JMJD1C: variants seen among roughly 807,000 people sequenced by gnomAD.
The protein encoded by JMJD1C is jumonji domain-containing protein 1C.
A neutral mutation model predicts 245.3 loss-of-function variants in JMJD1C; 31 were observed. That is an observed-to-expected ratio of 0.13 (90% CI 0.09 to 0.17). The LOEUF is 0.17. Among genes scored for constraint, JMJD1C ranks in the 10% least tolerant of loss-of-function variants. The probability of loss-of-function intolerance (pLI) is 1.00; values close to 1 mark genes in which losing one functional copy is unlikely to be tolerated. For synonymous variants in JMJD1C, 1,057 were observed against 1,017.4 expected (o/e 1.04, Z -0.74); for missense variants, 2,691 against 3,000.2 (o/e 0.90, Z 2.41).
chr10:63,221,452 G>A (rs1848588028), intron 3 of JMJD1C, among the ~76,000 whole-genome samples: 1 of 152,136 alleles, frequency 6.6e-6, no homozygotes, highest in African/African-American at 2.4e-5. Flanking sequence ...ATGTTCCTTG[G>A]AAAATACATA....
chr10:63,251,533 AATTTG>A (rs1853073889), intron 3 of JMJD1C, among the ~76,000 whole-genome samples: 1 of 152,182 alleles, frequency 6.6e-6, no homozygotes, highest in African/African-American at 2.4e-5. Flanking sequence ...ATATTAGAAG[AATTTG>A]ATCTGGAATT....
chr10:63,209,127 G>A lies in JMJD1C; in HGVS notation c.2803C>T (p.Pro935Ser), dbSNP rs765022454. 4.3e-6 allele frequency: 7 copies of A among 1,613,774 alleles called. No homozygotes were observed. Among genetic ancestry groups the A allele is most frequent in the Non-Finnish European group, 5.1e-6 (6 of 1,179,852 alleles). Residue 935 changes from proline to serine, a missense_variant, in exon 9 of 26, where the codon CCT becomes TCT. By Grantham distance (74) the Pro-to-Ser change is moderately conservative. Around this residue, in one of 9 missense-constraint regions of JMJD1C, gnomAD observed 1,562 missense variants for 1,490.7 expected, o/e 1.05. Transcript: ENST00000399262. ...CTGGAATGGGCTGTAATTTTAAGAGGCCGATGAGGCTCTGCACTGGAAGGT... is the reference window on the plus strand; with the variant it reads ...CTGGAATGGGCTGTAATTTTAAGAGACCGATGAGGCTCTGCACTGGAAGGT... ...VRPSSAEPHRPLKITAHSSPP... is the reference protein window; with the variant it reads ...VRPSSAEPHRSLKITAHSSPP...
intron 2 of JMJD1C, among the ~76,000 whole-genome samples, chr10:63,323,987 C>G (rs1195756053): frequency 6.6e-6 from 1 of 150,724 alleles, no homozygotes; most frequent in Non-Finnish European, 1.5e-5. Context: ...CATCTGAAAG[C>G]AGGAGACAAG....
intron 1 of JMJD1C, among the ~76,000 whole-genome samples, chr10:63,409,733 C>G (rs1949376591): frequency 6.6e-6 from 1 of 152,152 alleles, no homozygotes; most frequent in Non-Finnish European, 1.5e-5. Flanking sequence ...TGGCATGTAT[C>G]TGTTTGTGGG....
chr10:63,177,225 C>A (rs7088057), intron 23 of JMJD1C: 152,653 of 154,920 alleles, frequency 0.99, 75,244 homozygotes, highest in Middle Eastern at 1. Context: ...AGAGTATATG[C>A]CAACTACAGT....
intron 2 of JMJD1C, among the ~76,000 whole-genome samples, chr10:63,347,583 CAAAAAA>C (rs551998323): frequency 3.1e-5 from 2 of 65,410 alleles, no homozygotes; most frequent in Non-Finnish European, 6.2e-5. Context: ...GAGTCCATCT[CAAAAAA>C]AAAAAAAAAG....
intron 1 of JMJD1C, among the ~76,000 whole-genome samples, chr10:63,519,027 T>G (rs990253311): frequency 2.6e-5 from 4 of 152,214 alleles, no homozygotes; most frequent in Admixed American, 6.5e-5. Flanking sequence ...ATAAACGCTA[T>G]ATGGCTTTTT....
At chr10:63,421,073 G>A (rs934194792) in intron 1 of JMJD1C, among the ~76,000 whole-genome samples, 8 of 152,288 alleles carry the variant, frequency 5.3e-5, no homozygotes, top group Non-Finnish European at 7.4e-5. Context: ...GGTGGCTCAC[G>A]CTTGTAATCC....
chr10:63,268,586 A>T, intron 2 of JMJD1C: 1 of 459,046 alleles, frequency 2.2e-6, no homozygotes, highest in Non-Finnish European at 2.9e-6. Flanking sequence ...CAGTGACCTT[A>T]ATTTCTCAGG....
At chr10:63,223,841 C>T (rs1180892640) in intron 3 of JMJD1C, among the ~76,000 whole-genome samples, 1 of 152,084 alleles carries the variant, frequency 6.6e-6, no homozygotes, top group Non-Finnish European at 1.5e-5. Context: ...GCAACCTCCA[C>T]CTCCCGGGTT....
intron 4 of JMJD1C, among the ~76,000 whole-genome samples, chr10:63,217,875 C>T (rs1848177608): frequency 6.6e-6 from 1 of 152,048 alleles, no homozygotes; most frequent in African/African-American, 2.4e-5. Flanking sequence ...AAATATGGTA[C>T]ACTTTTGTGC....
At chr10:63,279,050 G>T (rs1458043022) in intron 2 of JMJD1C, among the ~76,000 whole-genome samples, 1 of 152,028 alleles carries the variant, frequency 6.6e-6, no homozygotes, top group Non-Finnish European at 1.5e-5. Context: ...AAGAGTTTTA[G>T]ACTAGCCTGG....
In JMJD1C at chr10:63,386,093, G is replaced by GACAC. The variant is rs147951202; in HGVS notation, c.169-5615_169-5612dup. ...AATGTGAAACATACACACATACACA[G>GACAC]ACACACACACACACACACCCCAAAA... On this transcript the variant is annotated intron_variant, in intron 1 of 25. Coordinates refer to ENST00000399262, the MANE Select transcript of JMJD1C (RefSeq NM_032776.3). 1.5e-4 allele frequency among the ~76,000 whole-genome samples: 22 copies of GACAC among 150,170 alleles called. No homozygotes were observed. The East Asian group carries it at 3.3e-3, about 23-fold the overall frequency.
chr10:63,278,840 C>CAAA (rs113538798), intron 2 of JMJD1C, among the ~76,000 whole-genome samples: 1 of 83,790 alleles, frequency 1.2e-5, no homozygotes, highest in African/African-American at 3.3e-5. Context: ...ACTCCCATCT[C>CAAA]AAAAAAAAAA....
At chr10:63,512,334 T>C (rs1369090441) in intron 1 of JMJD1C, among the ~76,000 whole-genome samples, 1 of 152,148 alleles carries the variant, frequency 6.6e-6, no homozygotes, top group Non-Finnish European at 1.5e-5. Context: ...TGCAATAAAT[T>C]CCCTCAATTT....
At chr10:63,472,205 T>C (rs1329407483) in intron 1 of JMJD1C, among the ~76,000 whole-genome samples, 1 of 151,674 alleles carries the variant, frequency 6.6e-6, no homozygotes, top group African/African-American at 2.4e-5. Context: ...TTATATATTA[T>C]ATATAATAAT....
intron 2 of JMJD1C, among the ~76,000 whole-genome samples, chr10:63,338,893 C>T (rs1002438624): frequency 3.3e-5 from 5 of 151,760 alleles, no homozygotes; most frequent in Admixed American, 3.3e-4. Context: ...AGGTGATCCA[C>T]CCGCCTCAGC....
At chr10:63,389,425 T>G (rs1326548857) in intron 1 of JMJD1C, among the ~76,000 whole-genome samples, 1 of 150,430 alleles carries the variant, frequency 6.6e-6, no homozygotes, top group Non-Finnish European at 1.5e-5. Flanking sequence ...TCTAGTCATC[T>G]AGACAGAATT....
At chr10:63,472,615 A>G (rs914201270) in intron 1 of JMJD1C, among the ~76,000 whole-genome samples, 1 of 152,130 alleles carries the variant, frequency 6.6e-6, no homozygotes, top group African/African-American at 2.4e-5. Flanking sequence ...TGCAGGCATG[A>G]GCCACTGCGC....
Sources: allele counts gnomAD v4.1 joint callset (sites outside exome capture counted in the v4.1 genomes callset), GRCh38; gene constraint gnomAD v4.1.1; regional missense constraint gnomAD v4.1.1; transcripts MANE v1.5; gene names NCBI Gene and HGNC (gene_info 2026-07-23, HGNC 2026-07-21).